PRH1: variants seen among roughly 807,000 people sequenced by gnomAD.
PRH1 encodes salivary acidic proline-rich phosphoprotein 1/2.
PRH1 carries 7 observed loss-of-function variants against 7.9 expected under a neutral mutation model. The ratio of observed to expected loss-of-function variants is 0.89; its 90% CI spans 0.50 to 1.67. PRH1 has a LOEUF of 1.67. Ranked by LOEUF, PRH1 falls within the 40% of genes most tolerant of loss-of-function variation. PRH1 has a pLI of 0.00. For synonymous variants in PRH1, 45 were observed against 80.8 expected, an observed-to-expected ratio of 0.56 and a Z score of 2.38; for missense variants, 109 against 223.6, an observed-to-expected ratio of 0.49 and a Z score of 3.27.
rs1317047705 is a variant in PRH1, at chr12:11,062,190, C to T, written n.124-15002G>A. The T allele has an allele frequency of 1.9e-6, 3 of 1,613,504 alleles. No individual in the cohort carries two copies. The Admixed American group carries it at 5.0e-5, about 27-fold the overall frequency. On this transcript the variant is annotated intron_variant and non_coding_transcript_variant, in intron 1 of 4. Coordinates refer to the PRH1 transcript ENST00000541977. ...CAAAAGAGATCTTTTGTCTCTTGAA[C>T]CACTCAATGGAATTTACCAATGCTA...
In PRH1 at chr12:11,103,392, A is replaced by G. The variant is rs147789804; in HGVS notation, n.124-56204T>C. On this transcript the variant is annotated intron_variant and non_coding_transcript_variant, in intron 1 of 4. Coordinates refer to the PRH1 transcript ENST00000541977. ...TGATGAGTTCACGTCCCTTGTAGGG[A>G]CGTGGATGAAGCTAGAAACCATCAT... 3.9e-3 allele frequency among the ~76,000 whole-genome samples: 594 copies of G among 152,208 alleles called. 1 individual carries two copies. The highest frequency in any genetic ancestry group is 0.014 in the African/African-American group (564 of 41,502).
chr12:10,905,360 A>G (rs1949788451), intron 2 of PRH1, among the ~76,000 whole-genome samples: 1 of 152,044 alleles, frequency 6.6e-6, no homozygotes, highest in Non-Finnish European at 1.5e-5. Flanking sequence ...GAATCAACCT[A>G]CGTGCCCATC....
At chr12:10,927,440 T>G (rs1950138729) in intron 2 of PRH1, among the ~76,000 whole-genome samples, 1 of 152,194 alleles carries the variant, frequency 6.6e-6, no homozygotes, top group Admixed American at 6.5e-5. Flanking sequence ...GTGCCTAAGA[T>G]ACAACCCATC....
chr12:10,894,760 A>G (rs1949620625), intron 2 of PRH1, among the ~76,000 whole-genome samples: 1 of 152,174 alleles, frequency 6.6e-6, no homozygotes, highest in Admixed American at 6.5e-5. Context: ...ATCTCCATAT[A>G]TGGTGCAAAC....
chr12:11,059,631 T>C (rs1943504424), intron 1 of PRH1, among the ~76,000 whole-genome samples: 1 of 152,242 alleles, frequency 6.6e-6, no homozygotes, highest in Admixed American at 6.5e-5. Flanking sequence ...ATTTTGATGT[T>C]CTACCTTGTC....
At chr12:10,924,364 T>C (rs1422858111) in intron 2 of PRH1, among the ~76,000 whole-genome samples, 1 of 152,212 alleles carries the variant, frequency 6.6e-6, no homozygotes, top group Admixed American at 6.5e-5. Context: ...AACAGCAGTT[T>C]ATTACTTTTT....
chr12:11,090,226 T>C (rs769758336), intron 1 of PRH1, among the ~76,000 whole-genome samples: 3 of 115,800 alleles, frequency 2.6e-5, no homozygotes, highest in African/African-American at 5.8e-5. Context: ...AATTAATACA[T>C]AGGGTTCACA....
intron 2 of PRH1, among the ~76,000 whole-genome samples, chr12:10,905,079 G>A (rs2418222): frequency 0.49 from 73,842 of 151,538 alleles, 20,579 homozygotes; most frequent in East Asian, 0.72. Context: ...CCTGTTGGTG[G>A]GCATGCAAAT....
At chr12:10,986,889 C>A (rs745772359) in intron 1 of PRH1, 3 of 1,431,084 alleles carry the variant, frequency 2.1e-6, no homozygotes, top group East Asian at 2.3e-5. Flanking sequence ...AAAGAAAATG[C>A]AAGCCTAATA....
At chr12:10,896,141 T>G (rs577190959) in intron 2 of PRH1, among the ~76,000 whole-genome samples, 1 of 152,342 alleles carries the variant, frequency 6.6e-6, no homozygotes, top group South Asian at 2.1e-4. Flanking sequence ...TGACTCTGGT[T>G]GTATTTTACA....
chr12:11,088,412 T>C (rs140998362), intron 1 of PRH1, among the ~76,000 whole-genome samples: 4,344 of 106,184 alleles, frequency 0.041, 852 homozygotes, highest in Non-Finnish European at 0.059. Context: ...TTCTTAACTA[T>C]AGTAAAATAC....
intron 1 of PRH1, among the ~76,000 whole-genome samples, chr12:10,990,441 T>C (rs1338832677): frequency 1.3e-5 from 2 of 152,182 alleles, no homozygotes; most frequent in Non-Finnish European, 2.9e-5. Flanking sequence ...TCTTGGTACA[T>C]TCAAGAAATT....
intron 1 of PRH1, among the ~76,000 whole-genome samples, chr12:11,059,215 C>T (rs1943488633): frequency 6.6e-6 from 1 of 152,110 alleles, no homozygotes; most frequent in African/African-American, 2.4e-5. Context: ...CCTTGTAGCC[C>T]TTCTGGAAAA....
intron 2 of PRH1, among the ~76,000 whole-genome samples, chr12:10,904,654 C>A (rs1949776471): frequency 6.6e-6 from 1 of 151,902 alleles, no homozygotes; most frequent in African/African-American, 2.4e-5. Context: ...AAAGCAATTG[C>A]AACAAAAAAC....
chr12:11,104,830 C>T (rs1045151652), intron 1 of PRH1, among the ~76,000 whole-genome samples: 1 of 151,824 alleles, frequency 6.6e-6, no homozygotes, highest in Non-Finnish European at 1.5e-5. Flanking sequence ...TAATGTTGGG[C>T]TAATATATAC....
chr12:11,011,432 T>C (rs1320218753), intron 1 of PRH1, among the ~76,000 whole-genome samples: 2 of 152,124 alleles, frequency 1.3e-5, no homozygotes, highest in Admixed American at 6.6e-5. Flanking sequence ...GGCTATAAGA[T>C]GAAATTTTTC....
intron 1 of PRH1, among the ~76,000 whole-genome samples, chr12:11,131,919 T>C (rs1275333477): frequency 6.6e-6 from 1 of 152,216 alleles, no homozygotes; most frequent in Non-Finnish European, 1.5e-5. Flanking sequence ...TTTTTGACCA[T>C]CTATTCCTTG....
intron 1 of PRH1, among the ~76,000 whole-genome samples, chr12:11,136,817 T>C (rs562923357): frequency 6.6e-6 from 1 of 152,228 alleles, no homozygotes; most frequent in South Asian, 2.1e-4. Flanking sequence ...ACCCAGGAGT[T>C]CAAGACCAGC....
intron 2 of PRH1, among the ~76,000 whole-genome samples, chr12:10,911,595 G>A (rs1157106660): frequency 1.3e-5 from 2 of 152,118 alleles, no homozygotes; most frequent in Non-Finnish European, 2.9e-5. Context: ...CCAACGTTGT[G>A]TTAGGATATT....
Sources: gnomAD v4.1 joint callset for allele counts (sites outside exome capture counted in the v4.1 genomes callset) on GRCh38, gnomAD v4.1.1 for gene constraint, MANE v1.5 for transcripts, NCBI Gene and HGNC (gene_info 2026-07-23, HGNC 2026-07-21) for gene names.